PKM: variants seen among roughly 807,000 people sequenced by gnomAD.
The protein encoded by PKM is pyruvate kinase M1/2.
In PKM, 18 loss-of-function variants were observed where a neutral mutation model predicts 49.8. That is an observed-to-expected ratio of 0.36 (90% CI 0.25 to 0.54). The LOEUF is 0.54. Ranked by LOEUF, PKM falls within the 20% of genes least tolerant of loss-of-function variation. The pLI is 0.89. For missense variants in PKM, 508 were observed against 713.8 expected, an observed-to-expected ratio of 0.71 and a Z score of 3.28; for synonymous variants, 239 against 261.8, an observed-to-expected ratio of 0.91 and a Z score of 0.84.
chr15:72,205,252 A>G (rs2082043434), intron 8 of PKM, among the ~76,000 whole-genome samples: 1 of 152,124 alleles, frequency 6.6e-6, no homozygotes, highest in Non-Finnish European at 1.5e-5. Flanking sequence ...CTCTCCAAGT[A>G]GCTGGGACTA....
intron 1 of PKM, chr15:72,228,474 C>T (rs2082749072): frequency 2.6e-6 from 1 of 387,178 alleles, no homozygotes; most frequent in Non-Finnish European, 5.0e-6. Context: ...GTAGTTGAGG[C>T]ATTTTTAATT....
chr15:72,229,564 T>A, intron 1 of PKM: 1 of 1,288,118 alleles, frequency 7.8e-7, no homozygotes, highest in African/African-American at 1.5e-5. Flanking sequence ...AGTCTTTAAA[T>A]GATCTTCAGA....
chr15:72,199,812 C>T, intron 10 of PKM, 56 bp from the exon 11 acceptor site: 1 of 1,150,404 alleles, frequency 8.7e-7, no homozygotes, highest in Non-Finnish European at 1.3e-6. Context: ...AGGTTTGCAC[C>T]TGGGCAGCTG....
rs955797451 is a variant in PKM at position 72,200,082 on chromosome 15, G to A, written c.1490-326C>T. Among the ~76,000 whole-genome samples the A allele has an allele frequency of 6.6e-6, 1 of 151,872 alleles. No individual in the cohort carries two copies. Among genetic ancestry groups the A allele is most frequent in the South Asian group, 2.1e-4 (1 of 4,814 alleles). On this transcript the variant is annotated intron_variant, in intron 10 of 10. Coordinates refer to ENST00000335181, the MANE Select transcript of PKM (RefSeq NM_002654.6). The surrounding 1 kb of genome is among the most constrained non-coding windows in gnomAD (Gnocchi z 4.6). ...ACAGGGACAATGGCCACATCAGTACGTAATCTGTGTATGCCACCCCACAGC... is the reference window on the plus strand; with the variant it reads ...ACAGGGACAATGGCCACATCAGTACATAATCTGTGTATGCCACCCCACAGC...
At position 72,227,769 on chromosome 15, in the gene PKM, A is replaced by C. The variant is rs913289292; in HGVS notation, c.-14+3347T>G. 4.1e-4 allele frequency among the ~76,000 whole-genome samples: 37 copies of C among 89,788 alleles called. 1 individual carries two copies. The highest frequency in any genetic ancestry group is 4.0e-3 in the East Asian group (17 of 4,244). 58.9% of individuals were successfully genotyped at this position (89,788 alleles called of 152,430 possible). On this transcript the variant is annotated intron_variant, in intron 1 of 10. Coordinates refer to ENST00000335181, the MANE Select transcript of PKM (RefSeq NM_002654.6). The stretch of plus-strand genomic sequence containing the variant: ...CAAAAAAAAAAAAAAAAAAAAAAAA[A>C]AAAAACAAAAAACTGAAGCAAAATA...
At chr15:72,203,505 C>T in intron 8 of PKM, 1 of 398,928 alleles carries the variant, frequency 2.5e-6, no homozygotes, top group South Asian at 2.3e-5. Flanking sequence ...CCAGGCTGGG[C>T]CCAGGCCACT....
At chr15:72,229,596 CT>C in intron 1 of PKM, 1 of 1,284,000 alleles carries the variant, frequency 7.8e-7, no homozygotes. Context: ...TTTCCTGCAT[CT>C]TCTAATCCAG....
intron 1 of PKM, among the ~76,000 whole-genome samples, chr15:72,221,476 G>A (rs1267969067): frequency 6.6e-6 from 1 of 151,854 alleles, no homozygotes; most frequent in Non-Finnish European, 1.5e-5. Context: ...TGGGAGCGGG[G>A]AAGGGACACC....
intron 1 of PKM, among the ~76,000 whole-genome samples, chr15:72,230,116 G>A (rs1465903568): frequency 1.3e-5 from 2 of 152,104 alleles, no homozygotes; most frequent in African/African-American, 4.8e-5. Flanking sequence ...GATGGAGCGT[G>A]GTCCCTGGCG....
rs1427247468 is a variant in PKM at position 72,208,614 on chromosome 15, G to A, written c.836+7C>T. On this transcript the variant is annotated splice_region_variant and intron_variant, in intron 6 of 10. Transcript: ENST00000335181. Reference sequence around the variant, plus strand: ...CTGGGACTGGAGCAGGGACAACGGGGACTTGCCTCCGAACCCCCTCATGAT... The same window carrying A: ...CTGGGACTGGAGCAGGGACAACGGGAACTTGCCTCCGAACCCCCTCATGAT... 1 of 1,613,898 alleles carries A rather than the reference G, an allele frequency of 6.2e-7. No homozygotes were observed. Among genetic ancestry groups the A allele is most frequent in the South Asian group, 1.1e-5 (1 of 91,076 alleles).
intron 3 of PKM, among the ~76,000 whole-genome samples, chr15:72,214,531 CACG>C (rs2082330000): frequency 6.6e-6 from 1 of 152,142 alleles, no homozygotes; most frequent in Non-Finnish European, 1.5e-5. Flanking sequence ...TGTGGTGGCT[CACG>C]CCTGTAATCC....
chr15:72,217,609 C>T, intron 2 of PKM, 109 bp from the exon 3 acceptor site: 1 of 734,116 alleles, frequency 1.4e-6, no homozygotes, highest in Non-Finnish European at 2.4e-6. Flanking sequence ...TTTCCTCTCC[C>T]AAATAGCTCA....
intron 4 of PKM, 79 bp downstream of exon 4, chr15:72,210,268 C>A: frequency 6.7e-7 from 1 of 1,500,670 alleles, no homozygotes; most frequent in Non-Finnish European, 9.2e-7. Context: ...AGAAACATGG[C>A]AACCCAGCGC....
At chr15:72,212,173 G>A (rs949519775) in intron 3 of PKM, among the ~76,000 whole-genome samples, 1 of 152,210 alleles carries the variant, frequency 6.6e-6, no homozygotes, top group African/African-American at 2.4e-5. Context: ...AATAGAAATA[G>A]AACAAAATAG....
intron 7 of PKM, 123 bp downstream of exon 7, chr15:72,207,004 G>T: frequency 6.8e-7 from 1 of 1,471,640 alleles, no homozygotes; most frequent in Non-Finnish European, 9.5e-7. Context: ...GTACATGGGG[G>T]AAGGGGATTA....
At chr15:72,214,369 CATA>C (rs1359802971) in intron 3 of PKM, among the ~76,000 whole-genome samples, 1 of 152,130 alleles carries the variant, frequency 6.6e-6, no homozygotes, top group Admixed American at 6.5e-5. Context: ...TGTCATATAT[CATA>C]ATCTCTTAGA....
intron 6 of PKM, among the ~76,000 whole-genome samples, chr15:72,208,056 G>A (rs190687758): frequency 3.4e-4 from 51 of 152,194 alleles, no homozygotes; most frequent in Non-Finnish European, 5.7e-4. Context: ...GGGGCAATCT[G>A]AAACTGGAGA....
At chr15:72,225,071 G>A (rs892389598) in intron 1 of PKM, among the ~76,000 whole-genome samples, 2 of 147,236 alleles carry the variant, frequency 1.4e-5, no homozygotes, top group Non-Finnish European at 3.0e-5. Flanking sequence ...ACAGGCGCCC[G>A]CCACCAGGCC....
chr15:72,225,272 T>C (rs999714809), intron 1 of PKM, among the ~76,000 whole-genome samples: 1 of 151,820 alleles, frequency 6.6e-6, no homozygotes, highest in Admixed American at 6.6e-5. Context: ...AGAATTTTAA[T>C]TTTATACAGT....
Sources: allele counts gnomAD v4.1 joint callset (sites outside exome capture counted in the v4.1 genomes callset), GRCh38; gene constraint gnomAD v4.1.1; non-coding constraint Gnocchi (gnomAD v3.1); transcripts MANE v1.5; gene names NCBI Gene and HGNC (gene_info 2026-07-23, HGNC 2026-07-21).